The following PSCA variants were observed in gnomAD, a reference collection of about 807,000 sequenced individuals.
PSCA encodes the protein prostate stem cell antigen.
A neutral mutation model predicts 7.9 loss-of-function variants in PSCA; 7 were observed. The ratio of observed to expected loss-of-function variants is 0.89; its 90% CI spans 0.51 to 1.67. The LOEUF is 1.67. Ranked by LOEUF, PSCA falls within the 40% of genes most tolerant of loss-of-function variation. The pLI, the probability that PSCA is intolerant of heterozygous loss-of-function variation, is 0.00. For missense variants in PSCA, 151 were observed against 147.9 expected, an observed-to-expected ratio of 1.02 and a Z score of -0.11; for synonymous variants, 61 against 68.3, an observed-to-expected ratio of 0.89 and a Z score of 0.53.
At chr8:142,681,881 A>G (rs782426528) in intron 2 of PSCA, 40 bp from the exon 3 acceptor site, 5 of 1,440,346 alleles carry the variant, frequency 3.5e-6, no homozygotes, top group Middle Eastern at 1.8e-4. Context: ...GCAGGTGAGC[A>G]CACAGGGCAG....
At chr8:142,671,299 A>G (rs1847321708) in intron 1 of PSCA, among the ~76,000 whole-genome samples, 1 of 152,170 alleles carries the variant, frequency 6.6e-6, no homozygotes, top group Non-Finnish European at 1.5e-5. Flanking sequence ...TTGAAGATGG[A>G]GGAAGGGGCC....
chr8:142,679,373 C>T (rs1368344497), upstream of PSCA, among the ~76,000 whole-genome samples: 1 of 152,150 alleles, frequency 6.6e-6, no homozygotes, highest in Non-Finnish European at 1.5e-5. Flanking sequence ...AATGAAGGCC[C>T]GTCCAACAGG....
intron 1 of PSCA, among the ~76,000 whole-genome samples, chr8:142,674,386 G>A (rs1296660224): frequency 6.7e-6 from 1 of 149,428 alleles, no homozygotes; most frequent in African/African-American, 2.5e-5. Context: ...CCTCAGCAGA[G>A]CTCAGATCCC....
upstream of PSCA, among the ~76,000 whole-genome samples, chr8:142,677,754 G>A (rs1038369842): frequency 5.9e-5 from 9 of 152,268 alleles, no homozygotes; most frequent in African/African-American, 1.9e-4. Flanking sequence ...GGGCAGAGTG[G>A]GCAAGCAAGG....
chr8:142,670,512 C>G (rs1285705672), exon 1 of PSCA: 1 of 152,234 alleles, frequency 6.6e-6, no homozygotes, highest in Non-Finnish European at 1.5e-5. Context: ...CAATCCATAC[C>G]CAATTTAGAT....
In PSCA at chr8:142,673,735, C is replaced by T. The variant is rs1554637562; in HGVS notation, n.261+3167C>T. 6.6e-6 allele frequency among the ~76,000 whole-genome samples: 1 copy of T among 152,212 alleles called. No individual in the cohort carries two copies. Among genetic ancestry groups the T allele is most frequent in the Non-Finnish European group, 1.5e-5 (1 of 68,038 alleles). On this transcript the variant is annotated intron_variant and non_coding_transcript_variant, in intron 1 of 1. Coordinates refer to the PSCA transcript ENST00000505305. This position sits in a 1 kb window ranked among gnomAD's most constrained non-coding sequence, Gnocchi z 4.6. ...CTGAGTTTGCGTCCAGGTGGGGCCA[C>T]AGGACCGGCTGCGGGGTTGGTGGGC... is the stretch of plus-strand genomic sequence containing the variant.
chr8:142,680,856 G>C (rs1554638244), intron 1 of PSCA: 5 of 564,038 alleles, frequency 8.9e-6, no homozygotes, highest in Non-Finnish European at 1.6e-5. Context: ...CAGACTGACG[G>C]ATGGATGGGC....
chr8:142,682,506 G>A lies in PSCA; in HGVS notation c.*374G>A, dbSNP rs782620417. ...CCAGGTCTGGTCCGTGGTGTCCCCC[G>A]CACCCAGCAGGGGACAGGCACTCAG... is the stretch of plus-strand genomic sequence containing the variant. On this transcript the variant is annotated 3_prime_UTR_variant, in exon 3 of 3. Transcript: ENST00000301258. The A allele has an allele frequency of 5.7e-5, 29 of 510,760 alleles. No individual in the cohort carries two copies. Among genetic ancestry groups the A allele is most frequent in the Middle Eastern group, 2.9e-4 (1 of 3,446 alleles). The allele number at this position is 510,760 out of a possible 1,614,324, so 31.6% of individuals were successfully genotyped here.
At chr8:142,680,463 G>A, upstream of PSCA, 1 of 1,522,200 alleles carries the variant, frequency 6.6e-7, no homozygotes, top group African/African-American at 1.4e-5. Flanking sequence ...CCCATTTGAG[G>A]CCATATAAAG....
rs1554638200 is a variant in PSCA at position 142,680,560 on chromosome 8, C to A, written c.22C>A (p.Pro8Thr). Residue 8 changes from proline to threonine, a missense_variant, in exon 1 of 3, where the codon CCA (proline) becomes ACA (threonine). Physicochemically the swap from Pro to Thr is conservative, Grantham distance 38. Coordinates refer to ENST00000301258, the MANE Select transcript of PSCA (RefSeq NM_005672.5). ...GTTGATGGCAGGCTTGGCCCTGCAG[C>A]CAGGTGAGGCCTTGGCTGGCCCCCA... is the stretch of plus-strand genomic sequence containing the variant. The part of the protein sequence containing the change: MAGLALQ[P>T]GTALLCYSCK... 6.4e-7 allele frequency: 1 copy of A among 1,554,070 alleles called. No individual in the cohort carries two copies. The highest frequency in any genetic ancestry group is 8.7e-7 in the Non-Finnish European group (1 of 1,148,338).
At chr8:142,678,838 G>A (rs2976388), upstream of PSCA, among the ~76,000 whole-genome samples, 58,504 of 150,868 alleles carry the variant, frequency 0.39, 12,003 homozygotes, top group Admixed American at 0.48. Flanking sequence ...ACACTCAGCC[G>A]GCTGGCAGGA....
rs782248337 is a variant in PSCA at position 142,681,319 on chromosome 8, C to A, written c.26-8C>A. ...AGCCTCTGAGGCCCCTCCCACTCCA[C>A]CCCACAGGCACTGCCCTGCTGTGCT... On this transcript the variant is annotated splice_polypyrimidine_tract_variant and splice_region_variant and intron_variant, in intron 1 of 2. Transcript: ENST00000301258. 2 of 1,551,934 alleles carry A rather than the reference C, an allele frequency of 1.3e-6. No homozygotes were observed. The highest frequency in any genetic ancestry group is 2.7e-5 in the African/African-American group (2 of 73,102).
Position 142,670,861 on chromosome 8 carries a change from A to G in PSCA, n.261+293A>G, listed in dbSNP as rs147312142. On this transcript the variant is annotated intron_variant and non_coding_transcript_variant, in intron 1 of 1. Coordinates refer to the PSCA transcript ENST00000505305. Reference sequence around the variant, plus strand: ...AATGTGCAGTCGTCCCTGGGTATCCATAGAGGATTGGTTCCAGCACTTCTC... The same window carrying G: ...AATGTGCAGTCGTCCCTGGGTATCCGTAGAGGATTGGTTCCAGCACTTCTC... 2.5e-3 allele frequency among the ~76,000 whole-genome samples: 385 copies of G among 152,348 alleles called. 2 individuals carry two copies. Among genetic ancestry groups the G allele is most frequent in the African/African-American group, 8.8e-3 (365 of 41,572 alleles).
rs1405040207 is a variant in PSCA at position 142,682,462 on chromosome 8, A to G, written c.*330A>G. ...TTCCCCCAGGAAGCCTTCCCTGCCCACCCCATCTATGACTTGAGCCAGGTC... is the reference window on the plus strand; with the variant it reads ...TTCCCCCAGGAAGCCTTCCCTGCCCGCCCCATCTATGACTTGAGCCAGGTC... On this transcript the variant is annotated 3_prime_UTR_variant, in exon 3 of 3. Coordinates refer to ENST00000301258, the MANE Select transcript of PSCA (RefSeq NM_005672.5). 1 of 602,624 alleles carries G rather than the reference A, an allele frequency of 1.7e-6. No individual in the cohort carries two copies. The highest frequency in any genetic ancestry group is 3.5e-5 in the East Asian group (1 of 28,360). The allele number at this position is 602,624 out of a possible 1,614,324, so 37.3% of individuals were successfully genotyped here. A position where few individuals can be genotyped will look rare whatever the true frequency, so the allele number is the denominator to read the frequency against.
intron 1 of PSCA, among the ~76,000 whole-genome samples, chr8:142,671,185 CAG>C (rs782167503): frequency 2.2e-4 from 33 of 152,228 alleles, no homozygotes; most frequent in South Asian, 1.5e-3. Context: ...GGTGCCATAT[CAG>C]GGGTTCTTGT....
At chr8:142,675,619 T>C (rs2920283), upstream of PSCA, among the ~76,000 whole-genome samples, 67,249 of 152,122 alleles carry the variant, frequency 0.44, 15,075 homozygotes, top group Admixed American at 0.51. Context: ...ATGCCACACA[T>C]TTGCACATTT....
rs190910299 is a variant in PSCA, at chr8:142,673,254, C to G, written n.261+2686C>G. 3.3e-3 allele frequency among the ~76,000 whole-genome samples: 497 copies of G among 152,336 alleles called. 5 individuals are homozygous for G. Among genetic ancestry groups the G allele is most frequent in the African/African-American group, 0.011 (448 of 41,576 alleles). On this transcript the variant is annotated intron_variant and non_coding_transcript_variant, in intron 1 of 1. Coordinates refer to the PSCA transcript ENST00000505305. This position sits in a 1 kb window ranked among gnomAD's most constrained non-coding sequence, Gnocchi z 4.6. ...TAACTCCTATTTTTAACTGCCACCT[C>G]AGGGACATGGGATCACGTGGTCTCC...
chr8:142,670,936 G>A (rs1420650235), intron 1 of PSCA, among the ~76,000 whole-genome samples: 4 of 152,168 alleles, frequency 2.6e-5, no homozygotes, highest in South Asian at 2.1e-4. Context: ...AAATGGCTTC[G>A]TATTTGCATA....
chr8:142,672,366 C>G (rs587652753), intron 1 of PSCA, among the ~76,000 whole-genome samples: 1 of 152,162 alleles, frequency 6.6e-6, no homozygotes, highest in African/African-American at 2.4e-5. Flanking sequence ...CATCAAAAAC[C>G]GCCCAAAACT....
Sources: gnomAD v4.1 joint callset for allele counts (sites outside exome capture counted in the v4.1 genomes callset) on GRCh38, gnomAD v4.1.1 for gene constraint, Gnocchi (gnomAD v3.1) non-coding constraint, MANE v1.5 for transcripts, NCBI Gene and HGNC (gene_info 2026-07-23, HGNC 2026-07-21) for gene names.